LGR6: variants seen among roughly 807,000 people sequenced by gnomAD.
LGR6 encodes the protein leucine rich repeat containing G protein-coupled receptor 6, also known as leucine-rich repeat-containing G protein-coupled receptor 6.
Under a neutral mutation model 69.4 loss-of-function variants are expected in LGR6, and 45 were observed. That is an observed-to-expected ratio of 0.65 (90% CI 0.51 to 0.83). The LOEUF is 0.83. LGR6 is among the 40% of genes least tolerant of loss of function. The pLI, the probability that LGR6 is intolerant of heterozygous loss-of-function variation, is 0.00. For missense variants in LGR6, 1,108 were observed against 1,246.7 expected (o/e 0.89, Z 1.68); for synonymous variants, 538 against 555.0 (o/e 0.97, Z 0.43).
At chr1:202,242,844 A>AC in intron 4 of LGR6, among the ~76,000 whole-genome samples, 1 of 152,110 alleles carries the variant, frequency 6.6e-6, no homozygotes, top group South Asian at 2.1e-4. Context: ...GGACTATTGT[A>AC]CCCCCAGACT....
At position 202,317,950 on chromosome 1, in the gene LGR6, A is replaced by G; in HGVS notation, c.1649-2A>G. On this transcript the variant is annotated splice_acceptor_variant, in intron 17 of 17. Coordinates refer to ENST00000367278, the MANE Select transcript of LGR6 (RefSeq NM_001017403.2). LOFTEE classifies it high-confidence loss of function. ...AGGGTTAATGTCTGATCTCTCCTAC[A>G]GGCCCCTTCAAGCCCTGTGAGTACC... is the stretch of plus-strand genomic sequence containing the variant. 1 of 1,603,910 alleles carries G rather than the reference A, an allele frequency of 6.2e-7. No individual in the cohort carries two copies. Among genetic ancestry groups the G allele is most frequent in the Non-Finnish European group, 8.5e-7 (1 of 1,174,508 alleles).
At chr1:202,281,111 C>T (rs1665971849) in intron 6 of LGR6, 1 of 431,344 alleles carries the variant, frequency 2.3e-6, no homozygotes, top group Admixed American at 4.1e-5. Flanking sequence ...TGGGATCTCC[C>T]TGTGGGCAGA....
chr1:202,285,176 A>G (rs1332327841), intron 6 of LGR6, among the ~76,000 whole-genome samples: 1 of 152,232 alleles, frequency 6.6e-6, no homozygotes, highest in Non-Finnish European at 1.5e-5. Flanking sequence ...GAACATTTTT[A>G]CTTCAACAGC....
intron 1 of LGR6, among the ~76,000 whole-genome samples, chr1:202,211,721 G>A (rs1402715930): frequency 6.6e-6 from 1 of 152,132 alleles, no homozygotes; most frequent in Non-Finnish European, 1.5e-5. Flanking sequence ...CATATCATAA[G>A]TGTATAGCTT....
intron 4 of LGR6, among the ~76,000 whole-genome samples, chr1:202,260,286 G>A (rs553891769): frequency 2.0e-5 from 3 of 152,016 alleles, no homozygotes; most frequent in Non-Finnish European, 2.9e-5. Context: ...TGATCCGCCC[G>A]TCTCAGCCTA....
intron 9 of LGR6, 141 bp from the exon 10 acceptor site, chr1:202,303,138 C>T (rs973249685): frequency 5.7e-6 from 4 of 700,630 alleles, no homozygotes; most frequent in Non-Finnish European, 1.0e-5. Flanking sequence ...GCCTGCGTGG[C>T]TGACTTGAGG....
chr1:202,233,593 T>G (rs931395012), intron 3 of LGR6, among the ~76,000 whole-genome samples: 3 of 152,144 alleles, frequency 2.0e-5, no homozygotes, highest in African/African-American at 7.2e-5. Flanking sequence ...ATGTTACCAC[T>G]GAGTGAGGCT....
chr1:202,239,411 G>A (rs572803655), intron 4 of LGR6, among the ~76,000 whole-genome samples: 2 of 151,818 alleles, frequency 1.3e-5, no homozygotes, highest in African/African-American at 4.8e-5. Flanking sequence ...GGTGGGAAGG[G>A]CAGTAGTGGG....
At chr1:202,305,849 ACTTTGACATTTCTTC>A in intron 12 of LGR6, 100 bp downstream of exon 12, 1 of 912,580 alleles carries the variant, frequency 1.1e-6, no homozygotes, top group Non-Finnish European at 1.8e-6. Flanking sequence ...GCCAATGCAC[ACTTTGACATTTCTTC>A]CTTCTCTTTT....
Position 202,318,569 on chromosome 1 carries a change from T to C in LGR6, c.2266T>C (p.Cys756Arg), listed in dbSNP as rs755853029. 3.7e-6 allele frequency: 6 copies of C among 1,614,088 alleles called. No individual in the cohort carries two copies. The highest frequency in any genetic ancestry group is 3.3e-5 in the South Asian group (3 of 91,088). Residue 756 changes from cysteine (C) to arginine (R), a missense_variant, in exon 18 of 18, where the codon TGT (cysteine) becomes CGT (arginine). Coordinates refer to ENST00000367278, the MANE Select transcript of LGR6 (RefSeq NM_001017403.2). The part of the protein sequence containing the change: ...VVAGAYIKLY[C>R]DLPRGDFEAV... ...GGCCGGTGCCTACATCAAACTGTAC[T>C]GTGACCTGCCGCGGGGCGACTTTGA...
chr1:202,276,929 C>G (rs140221765), intron 5 of LGR6, among the ~76,000 whole-genome samples: 427 of 152,180 alleles, frequency 2.8e-3, no homozygotes, highest in Non-Finnish European at 4.3e-3. Context: ...GGGATAAATT[C>G]ATCTCATTTC....
intron 4 of LGR6, among the ~76,000 whole-genome samples, chr1:202,243,187 T>C (rs1469333445): frequency 6.6e-6 from 1 of 152,086 alleles, no homozygotes; most frequent in African/African-American, 2.4e-5. Flanking sequence ...TCAGGAACCA[T>C]CGTATTTCCA....
rs567891978 is a variant in LGR6 at position 202,311,410 on chromosome 1, A to G, written c.1567+1053A>G. ...CGCGGTGGCTCAAGCCTATAATTCCAGCACTTTGGGAGGCCAAGGCGGGTG... is the reference window on the plus strand; with the variant it reads ...CGCGGTGGCTCAAGCCTATAATTCCGGCACTTTGGGAGGCCAAGGCGGGTG... On this transcript the variant is annotated intron_variant, in intron 16 of 17. Transcript: ENST00000367278. Among the ~76,000 whole-genome samples the G allele has an allele frequency of 7.2e-5, 11 of 152,342 alleles. No homozygotes were observed. In the East Asian group the frequency reaches 1.9e-3, roughly 27 times the overall value.
intron 3 of LGR6, among the ~76,000 whole-genome samples, chr1:202,232,038 G>GT (rs1298567540): frequency 6.6e-6 from 1 of 151,516 alleles, no homozygotes; most frequent in Non-Finnish European, 1.5e-5. Context: ...GTTGCAGTGA[G>GT]CAACCTCCTT....
At chr1:202,292,247 C>G (rs1571978345) in intron 6 of LGR6, among the ~76,000 whole-genome samples, 1 of 152,188 alleles carries the variant, frequency 6.6e-6, no homozygotes, top group Non-Finnish European at 1.5e-5. Flanking sequence ...CTCAGTTTTG[C>G]ATTTTAAAAA....
At chr1:202,199,229 C>A (rs1658749516) in intron 1 of LGR6, among the ~76,000 whole-genome samples, 1 of 152,004 alleles carries the variant, frequency 6.6e-6, no homozygotes. Flanking sequence ...AGGGGAGGAC[C>A]CAGGCAGCAC....
At chr1:202,224,067 G>A (rs1660341166) in intron 1 of LGR6, among the ~76,000 whole-genome samples, 1 of 152,016 alleles carries the variant, frequency 6.6e-6, no homozygotes, top group Admixed American at 6.5e-5. Context: ...CAGAGGTCAA[G>A]GGCCCAACGT....
chr1:202,240,334 A>G (rs2148018227), intron 4 of LGR6, among the ~76,000 whole-genome samples: 1 of 150,590 alleles, frequency 6.6e-6, no homozygotes, highest in East Asian at 2.0e-4. Flanking sequence ...AGATTGCACC[A>G]CTGTACTCCA....
At chr1:202,271,783 G>A (rs1665122062) in intron 4 of LGR6, among the ~76,000 whole-genome samples, 2 of 149,710 alleles carry the variant, frequency 1.3e-5, no homozygotes. Flanking sequence ...ACTCCAGCCT[G>A]GGCAATAAGA....
Sources: gnomAD v4.1 joint callset for allele counts (sites outside exome capture counted in the v4.1 genomes callset) on GRCh38, gnomAD v4.1.1 for gene constraint, MANE v1.5 for transcripts, NCBI Gene and HGNC (gene_info 2026-07-23, HGNC 2026-07-21) for gene names.